MBNL2: variants seen among roughly 807,000 people sequenced by gnomAD.
MBNL2 encodes muscleblind-like protein 2.
Under a neutral mutation model 41.9 loss-of-function variants are expected in MBNL2, and 17 were observed. The observed-to-expected ratio is 0.41, with a 90% CI of 0.28 to 0.61. The LOEUF is 0.61. Ranked by LOEUF, MBNL2 falls within the 20% of genes least tolerant of loss-of-function variation. The pLI, the probability that MBNL2 is intolerant of heterozygous loss-of-function variation, is 0.35. For missense variants in MBNL2, 336 were observed against 505.6 expected, an observed-to-expected ratio of 0.66 and a Z score of 3.22; for synonymous variants, 195 against 182.9, an observed-to-expected ratio of 1.07 and a Z score of -0.53.
intron 2 of MBNL2, among the ~76,000 whole-genome samples, chr13:97,291,922 G>T (rs1205206704): frequency 2.4e-5 from 1 of 40,824 alleles, no homozygotes; most frequent in Non-Finnish European, 4.5e-5. Context: ...AAAAAAGTGG[G>T]CTGGGTGCGG....
chr13:97,383,461 G>A (rs1018394466), intron 8 of MBNL2, among the ~76,000 whole-genome samples: 22 of 152,258 alleles, frequency 1.4e-4, no homozygotes, highest in African/African-American at 5.1e-4. Flanking sequence ...AGTTTTAAAT[G>A]ACAATTTTTC....
chr13:97,317,839 G>A (rs2059185836), intron 2 of MBNL2, among the ~76,000 whole-genome samples: 1 of 152,128 alleles, frequency 6.6e-6, no homozygotes, highest in Non-Finnish European at 1.5e-5. Flanking sequence ...AGATCCTTCT[G>A]GCTAATATTA....
chr13:97,153,507 G>A, the MBNL2 span, among the ~76,000 whole-genome samples: 1 of 152,074 alleles, frequency 6.6e-6, no homozygotes, highest in Non-Finnish European at 1.5e-5. Flanking sequence ...AGATTGTTGG[G>A]ATTTTTAAAA....
At chr13:97,381,512 G>A (rs956227987) in intron 8 of MBNL2, among the ~76,000 whole-genome samples, 1 of 151,640 alleles carries the variant, frequency 6.6e-6, no homozygotes. Flanking sequence ...ACAAGATCTT[G>A]TTTCTGTGAT....
chr13:97,179,353 T>C, the MBNL2 span: 3 of 152,220 alleles, frequency 2.0e-5, no homozygotes, highest in Non-Finnish European at 4.4e-5. Flanking sequence ...CTCTCTATTT[T>C]CCTCTAGTCA....
chr13:97,145,432 A>C, the MBNL2 span, among the ~76,000 whole-genome samples: 1 of 152,228 alleles, frequency 6.6e-6, no homozygotes, highest in Non-Finnish European at 1.5e-5. Flanking sequence ...GGACTGTAAG[A>C]GGCAAGAGAG....
intron 2 of MBNL2, among the ~76,000 whole-genome samples, chr13:97,292,784 G>A (rs2056379709): frequency 6.6e-6 from 1 of 150,636 alleles, no homozygotes; most frequent in Non-Finnish European, 1.5e-5. Flanking sequence ...TTTCCTGTAG[G>A]ATTTCTTCCA....
chr13:97,209,566 T>C, the MBNL2 span, among the ~76,000 whole-genome samples: 23 of 152,320 alleles, frequency 1.5e-4, no homozygotes, highest in Middle Eastern at 3.4e-3. Context: ...GACATAAAGA[T>C]AAATTAGTTA....
At chr13:97,185,652 G>A in the MBNL2 span, among the ~76,000 whole-genome samples, 4 of 152,300 alleles carry the variant, frequency 2.6e-5, no homozygotes, top group Non-Finnish European at 4.4e-5. Context: ...GGCAGCCTCC[G>A]GAAGTTGGAA....
upstream of MBNL2, among the ~76,000 whole-genome samples, chr13:97,217,879 C>G (rs553157474): frequency 6.6e-6 from 1 of 151,910 alleles, no homozygotes; most frequent in East Asian, 1.9e-4. Flanking sequence ...ATTAGGGGCC[C>G]AACAGTAAAG....
intron 5 of MBNL2, among the ~76,000 whole-genome samples, chr13:97,350,334 T>C (rs2062326051): frequency 6.6e-6 from 1 of 152,248 alleles, no homozygotes; most frequent in Admixed American, 6.5e-5. Context: ...TGCCTCGATG[T>C]TGATGGCTGG....
rs911114424 is a variant in MBNL2, at chr13:97,268,866, G to T, written c.-604-6766G>T. Among the ~76,000 whole-genome samples, 1 of 152,200 alleles carries T rather than the reference G, an allele frequency of 6.6e-6. No homozygotes were observed. The highest frequency in any genetic ancestry group is 1.5e-5 in the Non-Finnish European group (1 of 68,024). ...CAGTTCTTGTGAATTAAGGAATAAT[G>T]ATACCTATTTAAAAATAATGACCAG... On this transcript the variant is annotated intron_variant, in intron 1 of 8. Transcript: ENST00000679496. This position sits in a 1 kb window ranked among gnomAD's most constrained non-coding sequence, Gnocchi z 4.6.
chr13:97,198,398 G>A, the MBNL2 span, among the ~76,000 whole-genome samples: 5 of 151,546 alleles, frequency 3.3e-5, no homozygotes, highest in Non-Finnish European at 7.4e-5. Flanking sequence ...CCAGCTTGCT[G>A]ACTCACCCTG....
chr13:97,329,701 C>CACAACAGAAAAT (rs2060238965), intron 2 of MBNL2, among the ~76,000 whole-genome samples: 1 of 92 alleles, frequency 0.011, no homozygotes, highest in Non-Finnish European at 0.016. Flanking sequence ...AATACACACA[C>CACAACAGAAAAT]ATGCAGCACA....
intron 1 of MBNL2, among the ~76,000 whole-genome samples, chr13:97,275,091 T>C (rs2051914826): frequency 6.6e-6 from 1 of 152,174 alleles, no homozygotes. Context: ...AGGTAAGTCA[T>C]GGTGGAGAGG....
chr13:97,382,336 C>T (rs2065529946), intron 8 of MBNL2, among the ~76,000 whole-genome samples: 1 of 152,194 alleles, frequency 6.6e-6, no homozygotes, highest in Non-Finnish European at 1.5e-5. Context: ...TGGCCCAGGC[C>T]AAATGCCACT....
At chr13:97,160,196 C>T in the MBNL2 span, among the ~76,000 whole-genome samples, 1 of 152,148 alleles carries the variant, frequency 6.6e-6, no homozygotes, top group Non-Finnish European at 1.5e-5. Flanking sequence ...GGTGAAAGAG[C>T]CTTCTGCAAC....
chr13:97,359,082 CT>C (rs2063203319), intron 7 of MBNL2, among the ~76,000 whole-genome samples: 1 of 152,132 alleles, frequency 6.6e-6, no homozygotes, highest in African/African-American at 2.4e-5. Flanking sequence ...TAGGAGTTCA[CT>C]TTTGCCCTAT....
At chr13:97,252,114 T>C (rs2046681822) in intron 1 of MBNL2, among the ~76,000 whole-genome samples, 1 of 151,582 alleles carries the variant, frequency 6.6e-6, no homozygotes, top group East Asian at 1.9e-4. Context: ...CCTCCCAAAG[T>C]GCTGGGATTA....
Sources: allele counts gnomAD v4.1 joint callset (sites outside exome capture counted in the v4.1 genomes callset), GRCh38; gene constraint gnomAD v4.1.1; non-coding constraint Gnocchi (gnomAD v3.1); transcripts MANE v1.5; gene names NCBI Gene and HGNC (gene_info 2026-07-23, HGNC 2026-07-21).